ELAC1: variants seen among roughly 807,000 people sequenced by gnomAD.
ELAC1 encodes the protein elaC ribonuclease Z 1.
A neutral mutation model predicts 25.8 loss-of-function variants in ELAC1; 19 were observed. The observed-to-expected ratio is 0.74, with a 90% CI of 0.51 to 1.08. The LOEUF (loss-of-function observed/expected upper bound fraction) is 1.08. ELAC1 is among the 50% of genes least tolerant of loss of function. The pLI is 0.00. For missense variants in ELAC1, 403 were observed against 434.6 expected (o/e 0.93, Z 0.65); for synonymous variants, 148 against 160.9 (o/e 0.92, Z 0.61).
At chr18:50,971,300 A>T (rs1022969649) in intron 1 of ELAC1, among the ~76,000 whole-genome samples, 1 of 152,206 alleles carries the variant, frequency 6.6e-6, no homozygotes, top group East Asian at 1.9e-4. Context: ...TTAGTTTGTG[A>T]CAGTAGCCAT....
chr18:50,981,761 T>C (rs191043468), intron 2 of ELAC1, among the ~76,000 whole-genome samples: 40 of 151,688 alleles, frequency 2.6e-4, no homozygotes, highest in African/African-American at 9.2e-4. Context: ...TGTTTTAGAG[T>C]GGATAGGGAA....
chr18:50,977,338 A>G (rs1474375554), intron 2 of ELAC1, among the ~76,000 whole-genome samples: 2 of 152,204 alleles, frequency 1.3e-5, no homozygotes, highest in Non-Finnish European at 2.9e-5. Flanking sequence ...AGATGTTTCC[A>G]TACATCCTCT....
chr18:50,973,994 C>T (rs907382865), intron 1 of ELAC1, among the ~76,000 whole-genome samples: 1 of 152,310 alleles, frequency 6.6e-6, no homozygotes, highest in South Asian at 2.1e-4. Flanking sequence ...GTCTGTCTTA[C>T]TGTATCATAC....
chr18:50,968,381 T>G (rs2144303642), intron 1 of ELAC1: 1 of 152,602 alleles, frequency 6.6e-6, no homozygotes. Flanking sequence ...CCTCTGGCCC[T>G]GCCTGTGCCT....
At position 50,987,866 on chromosome 18, in the gene ELAC1, T is replaced by C. The variant is rs767325808; in HGVS notation, c.*781T>C. On this transcript the variant is annotated 3_prime_UTR_variant, in exon 4 of 4. Coordinates refer to ENST00000269466, the MANE Select transcript of ELAC1 (RefSeq NM_018696.3). ...CCCCGAAATGCAAATTGCAGGCCCA[T>C]TGAGATACACAGCAAGTTAGTTTAT... The C allele has an allele frequency of 6.6e-6, 1 of 152,164 alleles. No individual in the cohort carries two copies. Among genetic ancestry groups the C allele is most frequent in the Non-Finnish European group, 1.5e-5 (1 of 68,026 alleles). The allele number at this position is 152,164 out of a possible 1,614,324, so 9.4% of individuals were successfully genotyped here. A position where few individuals can be genotyped will look rare whatever the true frequency, so the allele number is the denominator to read the frequency against.
rs1400917942 is a variant in ELAC1, at chr18:50,984,101, A to G, written c.163A>G (p.Ile55Val). Residue 55 changes from isoleucine (I) to valine (V), a missense_variant, in exon 3 of 4, where the codon ATT (isoleucine) becomes GTT (valine). Transcript: ENST00000269466. ...TTCTCTATCTCAATCAAAAGGGAGA[A>G]TTACCAAGATCTTCATCACACACCT... ...LMKSQLKAGR[I>V]TKIFITHLHG... is the part of the protein sequence containing the mutation. 6.4e-7 allele frequency: 1 copy of G among 1,571,620 alleles called. No individual in the cohort carries two copies. Among genetic ancestry groups the G allele is most frequent in the East Asian group, 2.3e-5 (1 of 44,350 alleles).
At chr18:50,974,309 CA>C (rs1445453090) in intron 1 of ELAC1, 87 bp from the exon 2 acceptor site, 2 of 1,265,870 alleles carry the variant, frequency 1.6e-6, no homozygotes, top group African/African-American at 3.1e-5. Flanking sequence ...TCTAAATAAC[CA>C]AAAAGTAATA....
intron 2 of ELAC1, among the ~76,000 whole-genome samples, chr18:50,975,466 G>A (rs1907776954): frequency 6.6e-6 from 1 of 151,234 alleles, no homozygotes; most frequent in South Asian, 2.1e-4. Flanking sequence ...TTGTTTCTGT[G>A]TTCTTTATCT....
chr18:50,974,176 TTTTG>T (rs1907733022), intron 1 of ELAC1, among the ~76,000 whole-genome samples: 1 of 152,200 alleles, frequency 6.6e-6, no homozygotes, highest in African/African-American at 2.4e-5. Context: ...GTTTGGTTAT[TTTTG>T]TTTGTTTGGG....
At chr18:50,978,514 C>A (rs530120988) in intron 2 of ELAC1, among the ~76,000 whole-genome samples, 2 of 152,112 alleles carry the variant, frequency 1.3e-5, no homozygotes, top group Non-Finnish European at 2.9e-5. Context: ...TTCACTGTCA[C>A]GAGAACAGCA....
chr18:50,974,584 C>A, intron 2 of ELAC1, 23 bp downstream of exon 2: 2 of 1,611,604 alleles, frequency 1.2e-6, no homozygotes, highest in Non-Finnish European at 1.7e-6. Flanking sequence ...TCAGCTATCT[C>A]ATTAAGATTT....
At chr18:50,981,570 C>T (rs2144319678) in intron 2 of ELAC1, among the ~76,000 whole-genome samples, 1 of 152,302 alleles carries the variant, frequency 6.6e-6, no homozygotes, top group African/African-American at 2.4e-5. Context: ...TTTGTGTCTT[C>T]ATTTGAAAGC....
At chr18:50,973,872 G>C (rs1345532619) in intron 1 of ELAC1, among the ~76,000 whole-genome samples, 1 of 152,168 alleles carries the variant, frequency 6.6e-6, no homozygotes, top group Non-Finnish European at 1.5e-5. Flanking sequence ...ATGTGTTACA[G>C]TTGTTGAGCC....
chr18:50,981,168 GATT>G (rs993210019), intron 2 of ELAC1, among the ~76,000 whole-genome samples: 2 of 148,372 alleles, frequency 1.3e-5, no homozygotes, highest in African/African-American at 5.1e-5. Context: ...CACATGAAAT[GATT>G]ATTAAAAGTA....
At chr18:50,976,811 C>T (rs1907806550) in intron 2 of ELAC1, among the ~76,000 whole-genome samples, 1 of 152,190 alleles carries the variant, frequency 6.6e-6, no homozygotes, top group Non-Finnish European at 1.5e-5. Context: ...TACCTATGAA[C>T]CTGTAAAATC....
At chr18:50,969,958 C>A (rs556113696) in intron 1 of ELAC1, 2 of 152,312 alleles carry the variant, frequency 1.3e-5, no homozygotes, top group Admixed American at 1.3e-4. Context: ...AATCGGACTC[C>A]ATGTTAGGAT....
intron 1 of ELAC1, among the ~76,000 whole-genome samples, chr18:50,971,826 A>G (rs917616461): frequency 1.4e-5 from 2 of 146,574 alleles, no homozygotes; most frequent in Non-Finnish European, 3.0e-5. Flanking sequence ...GGCCATTTGG[A>G]TTTCTTCTGT....
chr18:50,979,743 T>C (rs1166193526), intron 2 of ELAC1, among the ~76,000 whole-genome samples: 3 of 152,090 alleles, frequency 2.0e-5, no homozygotes, highest in Admixed American at 2.0e-4. Context: ...TTGTTTTTTT[T>C]TGAGACAGAG....
chr18:50,979,508 T>G (rs1907885078), intron 2 of ELAC1, among the ~76,000 whole-genome samples: 1 of 152,146 alleles, frequency 6.6e-6, no homozygotes, highest in Non-Finnish European at 1.5e-5. Flanking sequence ...AGAAGGAGAC[T>G]CTAGAGTAAG....
Sources: gnomAD v4.1 joint callset for allele counts (sites outside exome capture counted in the v4.1 genomes callset) on GRCh38, gnomAD v4.1.1 for gene constraint, MANE v1.5 for transcripts, NCBI Gene and HGNC (gene_info 2026-07-23, HGNC 2026-07-21) for gene names.